NRG1: variants seen among roughly 807,000 people sequenced by gnomAD.
The protein encoded by NRG1 is pro-neuregulin-1, membrane-bound isoform.
In NRG1, 18 loss-of-function variants were observed where a neutral mutation model predicts 63.8. That is an observed-to-expected ratio of 0.28 (90% CI 0.19 to 0.42). The LOEUF is 0.42. Ranked by LOEUF, NRG1 falls within the 10% of genes least tolerant of loss-of-function variation. The pLI is 1.00. For synonymous variants in NRG1, 302 were observed against 301.3 expected (o/e 1.00, Z -0.02); for missense variants, 762 against 814.7 (o/e 0.94, Z 0.79).
chr8:31,662,181 GAC>G (rs1442704625), intron 1 of NRG1, among the ~76,000 whole-genome samples: 2 of 152,198 alleles, frequency 1.3e-5, no homozygotes, highest in African/African-American at 2.4e-5. Flanking sequence ...AGTGGACAGA[GAC>G]AGGTAATTTG....
Position 32,195,740 on chromosome 8 carries a change from G to A in NRG1, c.38-400088G>A, listed in dbSNP as rs141206397. On this transcript the variant is annotated intron_variant, in intron 1 of 10. Transcript: ENST00000519301. ...GTTTCACTGACAAAGTTTAGTTATCGATAATTATAATTATGACCTTGAAAT... is the reference window on the plus strand; with the variant it reads ...GTTTCACTGACAAAGTTTAGTTATCAATAATTATAATTATGACCTTGAAAT... Among the ~76,000 whole-genome samples the A allele has an allele frequency of 7.2e-5, 11 of 152,234 alleles. No individual in the cohort carries two copies. The East Asian group carries it at 1.9e-3, about 27-fold the overall frequency.
chr8:32,587,724 C>A (rs1034949123), intron 1 of NRG1, among the ~76,000 whole-genome samples: 3 of 152,098 alleles, frequency 2.0e-5, no homozygotes, highest in Non-Finnish European at 4.4e-5. Flanking sequence ...TGTATATCTT[C>A]CATTCAATAA....
chr8:31,855,470 T>C (rs995197919), intron 1 of NRG1, among the ~76,000 whole-genome samples: 48 of 152,194 alleles, frequency 3.2e-4, no homozygotes, highest in African/African-American at 1.2e-3. Context: ...GCTTGGTAGA[T>C]CTTCCTCCAT....
intron 1 of NRG1, among the ~76,000 whole-genome samples, chr8:32,012,815 A>G (rs1351382732): frequency 3.3e-5 from 5 of 152,168 alleles, no homozygotes; most frequent in African/African-American, 7.2e-5. Flanking sequence ...AATTATTATT[A>G]CATAACAGAG....
At chr8:32,252,048 T>C (rs1381136803) in intron 1 of NRG1, among the ~76,000 whole-genome samples, 1 of 152,206 alleles carries the variant, frequency 6.6e-6, no homozygotes, top group Non-Finnish European at 1.5e-5. Context: ...ATGGGATTGT[T>C]TTTTTCTTGT....
chr8:32,387,784 C>T (rs11994067), intron 1 of NRG1, among the ~76,000 whole-genome samples: 52,040 of 151,802 alleles, frequency 0.34, 9,401 homozygotes, highest in Middle Eastern at 0.43. Flanking sequence ...AAAAAAATCC[C>T]GGTGGCTTTC....
chr8:31,828,433 A>C (rs1380280825), intron 1 of NRG1, among the ~76,000 whole-genome samples: 1 of 152,156 alleles, frequency 6.6e-6, no homozygotes, highest in African/African-American at 2.4e-5. Context: ...AGCTGCGTGG[A>C]GCTAAGGTCA....
chr8:32,610,713 A>G (rs1354635576), intron 3 of NRG1, among the ~76,000 whole-genome samples: 2 of 152,130 alleles, frequency 1.3e-5, no homozygotes, highest in Non-Finnish European at 2.9e-5. Context: ...CTTTATTCAG[A>G]ATTAGAGAAA....
chr8:32,043,780 T>A (rs533484747), intron 1 of NRG1, among the ~76,000 whole-genome samples: 1 of 151,280 alleles, frequency 6.6e-6, no homozygotes, highest in Non-Finnish European at 1.5e-5. Context: ...ACCACCAAAA[T>A]TTTTTTTTGT....
intron 1 of NRG1, among the ~76,000 whole-genome samples, chr8:32,216,392 G>A (rs969004633): frequency 6.7e-6 from 1 of 148,432 alleles, no homozygotes. Flanking sequence ...CTATAGAAAT[G>A]GCAGCAGAGT....
intron 1 of NRG1, among the ~76,000 whole-genome samples, chr8:32,575,832 A>G (rs1006719423): frequency 3.3e-5 from 5 of 152,216 alleles, no homozygotes; most frequent in Non-Finnish European, 7.3e-5. Flanking sequence ...CTGAGGACCC[A>G]GATATGCTAG....
exon 12 of NRG1, chr8:32,764,107 A>G (rs1831192822): frequency 6.2e-7 from 1 of 1,614,126 alleles, no homozygotes; most frequent in Non-Finnish European, 8.5e-7. Context: ...AAACTCGCCA[A>G]TAGCCGGCGG....
intron 1 of NRG1, among the ~76,000 whole-genome samples, chr8:32,352,155 G>T (rs1805685618): frequency 7.0e-6 from 1 of 143,364 alleles, no homozygotes; most frequent in Non-Finnish European, 1.5e-5. Context: ...CAATTTGCGG[G>T]ATTACGACAG....
At chr8:32,438,035 A>G (rs1819009458) in intron 1 of NRG1, among the ~76,000 whole-genome samples, 1 of 152,130 alleles carries the variant, frequency 6.6e-6, no homozygotes, top group Admixed American at 6.6e-5. Context: ...TGCAAACAAT[A>G]CTTTTTACCC....
intron 1 of NRG1, among the ~76,000 whole-genome samples, chr8:32,163,804 T>C (rs1479613120): frequency 6.6e-6 from 1 of 152,220 alleles, no homozygotes; most frequent in Non-Finnish European, 1.5e-5. Context: ...CCCTTGAGTT[T>C]CACTGTTACT....
intron 1 of NRG1, among the ~76,000 whole-genome samples, chr8:31,782,612 T>G (rs573540774): frequency 6.6e-6 from 1 of 152,248 alleles, no homozygotes; most frequent in African/African-American, 2.4e-5. Context: ...ACACATTACA[T>G]TGGGGTTTTC....
At chr8:31,730,546 G>A (rs182912867) in intron 1 of NRG1, among the ~76,000 whole-genome samples, 18 of 152,212 alleles carry the variant, frequency 1.2e-4, no homozygotes, top group East Asian at 3.9e-4. Context: ...ACAGATGGGC[G>A]TCAGACAATT....
At chr8:31,857,150 G>A (rs550679778) in intron 1 of NRG1, among the ~76,000 whole-genome samples, 1 of 152,228 alleles carries the variant, frequency 6.6e-6, no homozygotes, top group African/African-American at 2.4e-5. Context: ...CCCAGTTCCA[G>A]CTTCCCCCCT....
chr8:32,458,903 C>T (rs960236556), intron 1 of NRG1, among the ~76,000 whole-genome samples: 3 of 152,196 alleles, frequency 2.0e-5, no homozygotes, highest in African/African-American at 7.2e-5. Flanking sequence ...CTTTCTATCT[C>T]ACTGGCTGCT....
Sources: allele counts gnomAD v4.1 joint callset (sites outside exome capture counted in the v4.1 genomes callset), GRCh38; gene constraint gnomAD v4.1.1; transcripts MANE v1.5; gene names NCBI Gene and HGNC (gene_info 2026-07-23, HGNC 2026-07-21).